Variants in RINT1 observed in about 807,000 individuals in gnomAD.
RINT1 encodes RAD50 interactor 1, also known as RAD50-interacting protein 1.
Under a neutral mutation model 97.7 loss-of-function variants are expected in RINT1, and 75 were observed. The ratio of observed to expected loss-of-function variants is 0.77; its 90% CI spans 0.64 to 0.93. The LOEUF (loss-of-function observed/expected upper bound fraction) is 0.93. Among genes scored for constraint, RINT1 ranks in the 40% least tolerant of loss-of-function variants. The probability of loss-of-function intolerance (pLI) is 0.00; values close to 1 mark genes in which losing one functional copy is unlikely to be tolerated. For missense variants in RINT1, 892 were observed against 925.2 expected (o/e 0.96, Z 0.47); for synonymous variants, 303 against 326.3 (o/e 0.93, Z 0.77).
At chr7:105,560,950 A>C (rs545421669) in intron 11 of RINT1, among the ~76,000 whole-genome samples, 1 of 152,026 alleles carries the variant, frequency 6.6e-6, no homozygotes, top group South Asian at 2.1e-4. Flanking sequence ...CGAACCTCAG[A>C]CCTCAAGTGA....
intron 4 of RINT1, among the ~76,000 whole-genome samples, chr7:105,544,413 ATTTAT>A (rs1000870337): frequency 1.3e-5 from 2 of 151,202 alleles, no homozygotes; most frequent in African/African-American, 4.8e-5. Flanking sequence ...TTTTTTTAAC[ATTTAT>A]TTTATTTATT....
chr7:105,554,944 C>G, intron 10 of RINT1, 84 bp from the exon 11 acceptor site: 1 of 1,028,162 alleles, frequency 9.7e-7, no homozygotes, highest in Non-Finnish European at 1.4e-6. Context: ...GACAAAAGCA[C>G]TGAAGCAGGA....
At position 105,567,536 on chromosome 7, in the gene RINT1, A is replaced by G. The variant is rs566598751; in HGVS notation, c.*225A>G. Reference sequence around the variant, plus strand: ...AACGAAACAATGAAAACTCAATTCTATTTACAAGTATAAATGCTGAGTATG... The same window carrying G: ...AACGAAACAATGAAAACTCAATTCTGTTTACAAGTATAAATGCTGAGTATG... On this transcript the variant is annotated 3_prime_UTR_variant, in exon 15 of 15. Transcript: ENST00000257700. The G allele has an allele frequency of 3.7e-5, 25 of 681,376 alleles. No individual in the cohort carries two copies. Among genetic ancestry groups the G allele is most frequent in the South Asian group, 3.6e-4 (23 of 63,864 alleles). The allele number at this position is 681,376 out of a possible 1,614,324, so 42.2% of individuals were successfully genotyped here.
intron 4 of RINT1, among the ~76,000 whole-genome samples, chr7:105,545,173 C>T (rs965279358): frequency 1.3e-4 from 19 of 151,848 alleles, no homozygotes; most frequent in African/African-American, 7.3e-5. Context: ...GTACTCCTGC[C>T]GGGCATGGTG....
At chr7:105,542,108 C>T (rs1057478154) in intron 3 of RINT1, 4 of 215,596 alleles carry the variant, frequency 1.9e-5, no homozygotes, top group Admixed American at 5.5e-5. Context: ...TTGAAGGGAA[C>T]GAACTAATAA....
rs1327514294 is a variant in RINT1, at chr7:105,563,748, C to G, written c.1687C>G (p.Gln563Glu). 1 of 1,613,024 alleles carries G rather than the reference C, an allele frequency of 6.2e-7. No homozygotes were observed. The highest frequency in any genetic ancestry group is 8.5e-7 in the Non-Finnish European group (1 of 1,179,502). Residue 563 changes from glutamine to glutamate, a missense_variant, in exon 12 of 15, where the codon CAA (glutamine) becomes GAA (glutamate). Physicochemically the swap from Gln to Glu is conservative, Grantham distance 29. Transcript: ENST00000257700. ...TTGCTTTCAGTTCTTTCTACAACTT[C>G]AACAGGCTGCACTGGAGGTGTTTGC... The part of the protein sequence containing the change: ...WADNVFFLQL[Q>E]QAALEVFAEN...
Position 105,555,497 on chromosome 7 carries a change from A to G in RINT1, c.1671+270A>G, listed in dbSNP as rs113039640. 7.2e-3 allele frequency: 1,841 copies of G among 255,970 alleles called. 26 individuals are homozygous for G. Among genetic ancestry groups the G allele is most frequent in the African/African-American group, 0.039 (1,755 of 45,174 alleles). 15.9% of individuals were successfully genotyped at this position (255,970 alleles called of 1,614,324 possible). A position where few individuals can be genotyped will look rare whatever the true frequency, so the allele number is the denominator to read the frequency against. On this transcript the variant is annotated intron_variant, in intron 11 of 14. Coordinates refer to ENST00000257700, the MANE Select transcript of RINT1 (RefSeq NM_021930.6). Reference sequence around the variant, plus strand: ...TTTATAGAGTGAACCATACTTGGAAATATTCATGTATGGTAATTGCAATCA... The same window carrying G: ...TTTATAGAGTGAACCATACTTGGAAGTATTCATGTATGGTAATTGCAATCA...
chr7:105,548,840 T>C (rs1562849044), intron 7 of RINT1, 130 bp downstream of exon 7: 7 of 818,636 alleles, frequency 8.6e-6, no homozygotes, highest in Non-Finnish European at 1.3e-5. Flanking sequence ...GCTACATTCC[T>C]GTTTTGTTAC....
At position 105,553,819 on chromosome 7, in the gene RINT1, C is replaced by CT. The variant is rs958514873; in HGVS notation, c.1472-1209_1472-1208insT. On this transcript the variant is annotated intron_variant, in intron 10 of 14. Coordinates refer to ENST00000257700, the MANE Select transcript of RINT1 (RefSeq NM_021930.6). ...CACTGCAAGCTCCACCTCCTGGGTT[C>CT]ACACCATTCTCCTACCTCAGCCTCC... 2.0e-5 allele frequency among the ~76,000 whole-genome samples: 3 copies of CT among 149,880 alleles called. No homozygotes were observed. In the Admixed American group the frequency reaches 2.0e-4, roughly 10 times the overall value.
chr7:105,564,373 C>T (rs1373083309), intron 12 of RINT1, among the ~76,000 whole-genome samples: 1 of 152,112 alleles, frequency 6.6e-6, no homozygotes, highest in Non-Finnish European at 1.5e-5. Flanking sequence ...AGGTGTGAGC[C>T]ACCACACCTG....
intron 10 of RINT1, among the ~76,000 whole-genome samples, chr7:105,552,669 T>G (rs1790982289): frequency 1.8e-5 from 2 of 109,768 alleles, no homozygotes; most frequent in Admixed American, 8.6e-5. Flanking sequence ...ATAATTCCTT[T>G]TTTTTTTTTT....
intron 9 of RINT1, 33 bp downstream of exon 9, chr7:105,550,519 T>C (rs759114899): frequency 6.8e-7 from 1 of 1,460,422 alleles, no homozygotes. Flanking sequence ...GGTAGGGAGA[T>C]ATGTCTGTTT....
chr7:105,536,841 T>C (rs1233227187), intron 3 of RINT1, 92 bp downstream of exon 3: 1 of 726,212 alleles, frequency 1.4e-6, no homozygotes, highest in African/African-American at 1.8e-5. Context: ...ATTTTAAAGA[T>C]ATAGAACGTG....
Position 105,567,662 on chromosome 7 carries a change from A to AT in RINT1, c.*358dup, listed in dbSNP as rs1484670943. 1.9e-6 allele frequency: 1 copy of AT among 519,588 alleles called. No homozygotes were observed. The highest frequency in any genetic ancestry group is 3.4e-6 in the Non-Finnish European group (1 of 295,944). The allele number at this position is 519,588 out of a possible 1,614,324, so 32.2% of individuals were successfully genotyped here. ...GTGGATAATCAAACATAGCCAATAA[A>AT]TTTTTTTAAAACTCCCTTTGAATGC... On this transcript the variant is annotated 3_prime_UTR_variant, in exon 15 of 15. Transcript: ENST00000257700.
At position 105,565,596 on chromosome 7, in the gene RINT1, C is replaced by A. The variant is rs139766063; in HGVS notation, c.2134C>A (p.Leu712Ile). ...AQLQFDMTRN[L>I]FPLFSHYCKR... ...GCTGCAGTTTGATATGACTCGGAAT[C>A]TTTTCCCTTTGTTTTCTCACTATTG... Residue 712 changes from leucine to isoleucine, a missense_variant, in exon 14 of 15, where the codon CTT becomes ATT. Leu to Ile is a conservative substitution (Grantham distance 5). Coordinates refer to ENST00000257700, the MANE Select transcript of RINT1 (RefSeq NM_021930.6). 3.7e-6 allele frequency: 6 copies of A among 1,613,962 alleles called. No homozygotes were observed. The African/African-American group carries it at 6.7e-5, about 18-fold the overall frequency.
intron 3 of RINT1, chr7:105,541,674 G>T (rs953928796): frequency 6.6e-6 from 1 of 152,126 alleles, no homozygotes; most frequent in African/African-American, 2.4e-5. Context: ...TATTTAGGAG[G>T]CTGAGGCAGG....
At chr7:105,551,975 G>A (rs905081521) in intron 10 of RINT1, among the ~76,000 whole-genome samples, 13 of 152,092 alleles carry the variant, frequency 8.5e-5, no homozygotes, top group Non-Finnish European at 5.9e-5. Flanking sequence ...GGCTGAGGTG[G>A]GAGGATTTTT....
chr7:105,541,338 T>C (rs1364676979), intron 3 of RINT1, among the ~76,000 whole-genome samples: 2 of 151,342 alleles, frequency 1.3e-5, no homozygotes, highest in African/African-American at 4.9e-5. Flanking sequence ...GGTTTCATCA[T>C]GTTGGCCAGG....
At position 105,540,017 on chromosome 7, in the gene RINT1, C is replaced by T. The variant is rs552913732; in HGVS notation, c.274-2391C>T. Among the ~76,000 whole-genome samples the T allele has an allele frequency of 2.0e-5, 3 of 151,492 alleles. No individual in the cohort carries two copies. The South Asian group carries it at 6.3e-4, about 32-fold the overall frequency. On this transcript the variant is annotated intron_variant, in intron 3 of 14. Transcript: ENST00000257700. ...AATGTTCTTTGTATTTTGCTGATGA[C>T]TAATATTTGTATATGTTTTCCCACA...
Sources: gnomAD v4.1 joint callset for allele counts (sites outside exome capture counted in the v4.1 genomes callset) on GRCh38, gnomAD v4.1.1 for gene constraint, MANE v1.5 for transcripts, NCBI Gene and HGNC (gene_info 2026-07-23, HGNC 2026-07-21) for gene names.